MYLK: variants seen among roughly 807,000 people sequenced by gnomAD.
MYLK encodes the protein myosin light chain kinase, smooth muscle.
In MYLK, 106 loss-of-function variants were observed where a neutral mutation model predicts 203.4. The ratio of observed to expected loss-of-function variants is 0.52; its 90% confidence interval spans 0.45 to 0.61. The LOEUF is 0.61. MYLK is among the 20% of genes least tolerant of loss of function. The pLI is 0.00. For synonymous variants in MYLK, 867 were observed against 959.5 expected, an observed-to-expected ratio of 0.90 and a Z score of 1.78; for missense variants, 2,072 against 2,442.3, an observed-to-expected ratio of 0.85 and a Z score of 3.20.
At chr3:123,812,202 T>C (rs557934407) in intron 3 of MYLK, among the ~76,000 whole-genome samples, 1 of 152,194 alleles carries the variant, frequency 6.6e-6, no homozygotes, top group Non-Finnish European at 1.5e-5. Flanking sequence ...ATCACCTTAA[T>C]GGCTTCATCC....
At chr3:123,708,050 G>A in intron 15 of MYLK, 47 bp from the exon 16 acceptor site, 1 of 1,611,346 alleles carries the variant, frequency 6.2e-7, no homozygotes, top group Admixed American at 1.7e-5. Flanking sequence ...TCCCTCAGCA[G>A]GCAGTGTCCA....
intron 4 of MYLK, among the ~76,000 whole-genome samples, chr3:123,789,387 A>G (rs2064680842): frequency 6.6e-6 from 1 of 152,136 alleles, no homozygotes; most frequent in South Asian, 2.1e-4. Flanking sequence ...CACAGGTGTT[A>G]GAAGTGTGCT....
At chr3:123,823,621 G>A (rs1378707768) in intron 3 of MYLK, among the ~76,000 whole-genome samples, 1 of 152,156 alleles carries the variant, frequency 6.6e-6, no homozygotes, top group Non-Finnish European at 1.5e-5. Context: ...AGTCTCCTAT[G>A]TGCCTCCCTA....
At chr3:123,724,456 G>A (rs868830463) in intron 12 of MYLK, among the ~76,000 whole-genome samples, 4 of 152,132 alleles carry the variant, frequency 2.6e-5, no homozygotes, top group Non-Finnish European at 5.9e-5. Context: ...GCCACAAGGA[G>A]GCTGCCTCCT....
At chr3:123,820,662 CCCT>C (rs1291690093) in intron 3 of MYLK, among the ~76,000 whole-genome samples, 12 of 150,624 alleles carry the variant, frequency 8.0e-5, no homozygotes, top group African/African-American at 2.9e-4. Flanking sequence ...TTCCTTCCTT[CCCT>C]CCTTCCTTCC....
chr3:123,849,223 C>A (rs2030438460), intron 2 of MYLK, among the ~76,000 whole-genome samples: 1 of 152,148 alleles, frequency 6.6e-6, no homozygotes, highest in Non-Finnish European at 1.5e-5. Context: ...TGATCCACAC[C>A]TTGGCCTCCT....
intron 1 of MYLK, among the ~76,000 whole-genome samples, chr3:123,877,310 C>G (rs1685890903): frequency 6.6e-6 from 1 of 152,072 alleles, no homozygotes; most frequent in Non-Finnish European, 1.5e-5. Flanking sequence ...CAGGGAGCCA[C>G]CGGGGGTTCC....
rs780888701 is a variant in MYLK, at chr3:123,732,899, C to T, written c.1513G>A (p.Glu505Lys). Residue 505 changes from glutamate (E) to lysine (K), a missense_variant, in exon 11 of 34, where the codon GAA (glutamate) becomes AAA (lysine). By Grantham distance (56) the Glu-to-Lys change is moderately conservative (BLOSUM62 1). This residue lies in a region of MYLK where 683 missense variants were observed against 643.8 expected (regional missense o/e 1.06). Transcript: ENST00000360304. ...TGACCTGGAGAAGTGTACTCACTTT[C>T]CACTTGGAGGGTCCAGCTACAGGAC... ...QLSCSWTLQV[E>K]RLAVMEVAPS... The T allele has an allele frequency of 8.1e-6, 13 of 1,613,628 alleles. No individual in the cohort carries two copies. Among genetic ancestry groups the T allele is most frequent in the Non-Finnish European group, 1.1e-5 (13 of 1,179,672 alleles).
chr3:123,841,336 TG>T (rs927480305), intron 2 of MYLK, among the ~76,000 whole-genome samples: 1 of 152,164 alleles, frequency 6.6e-6, no homozygotes, highest in Non-Finnish European at 1.5e-5. Context: ...ATTAAGAGCT[TG>T]GTAAGGAAAT....
At chr3:123,766,655 T>C (rs1049799213) in intron 4 of MYLK, among the ~76,000 whole-genome samples, 1 of 152,214 alleles carries the variant, frequency 6.6e-6, no homozygotes, top group Admixed American at 6.5e-5. Context: ...AGACCCCAGG[T>C]TGTGAGCCGA....
rs1371094964 is a variant in MYLK, at chr3:123,676,014, C to T, written c.3652+6210G>A. Among the ~76,000 whole-genome samples the T allele has an allele frequency of 7.9e-5, 12 of 152,284 alleles. No homozygotes were observed. The East Asian group carries it at 1.9e-3, about 24-fold the overall frequency. ...AGGAGATTGCAAAGAAACACTGCTC[C>T]TCTGATTACATCCATTCCCAAACCC... On this transcript the variant is annotated intron_variant, in intron 20 of 33. Transcript: ENST00000360304.
chr3:123,698,486 C>T (rs2061027179), intron 18 of MYLK, among the ~76,000 whole-genome samples: 1 of 152,108 alleles, frequency 6.6e-6, no homozygotes, highest in African/African-American at 2.4e-5. Flanking sequence ...CAAGGACTTT[C>T]CAAGTGGGAG....
At chr3:123,691,608 A>G (rs545853632) in intron 19 of MYLK, 2 of 152,372 alleles carry the variant, frequency 1.3e-5, no homozygotes, top group African/African-American at 4.8e-5. Context: ...AACCAATTGT[A>G]AAGTCCAGAA....
At chr3:123,630,479 A>G (rs1170299753) in intron 29 of MYLK, 1 of 152,258 alleles carries the variant, frequency 6.6e-6, no homozygotes, top group Non-Finnish European at 1.5e-5. Context: ...AGTAATTCTT[A>G]TAACTTTGTT....
At chr3:123,747,403 G>A (rs951832334) in intron 5 of MYLK, among the ~76,000 whole-genome samples, 1 of 152,182 alleles carries the variant, frequency 6.6e-6, no homozygotes, top group South Asian at 2.1e-4. Flanking sequence ...GGGTGGCTGG[G>A]GGTAGGGAGG....
Position 123,709,762 on chromosome 3 carries a change from C to G in MYLK, c.1936G>C (p.Val646Leu). 6.2e-7 allele frequency: 1 copy of G among 1,613,932 alleles called. No individual in the cohort carries two copies. ...DGSQVTMTVQVSGNPPPEVIW... is the reference protein window; with the variant it reads ...DGSQVTMTVQLSGNPPPEVIW... The stretch of plus-strand genomic sequence containing the variant: ...GAGAGCTGCAGAGACAGACCTGACA[C>G]TTGGACAGTCATAGTGACCTGGCTT... Residue 646 changes from valine (V) to leucine (L), a missense_variant, in exon 14 of 34, where the codon GTG becomes CTG. Around this residue, in one of 3 missense-constraint regions of MYLK, gnomAD observed 865 missense variants for 1,016.0 expected, o/e 0.85. Coordinates refer to ENST00000360304, the MANE Select transcript of MYLK (RefSeq NM_053025.4).
At chr3:123,658,515 CT>C (rs1435688330) in intron 23 of MYLK, among the ~76,000 whole-genome samples, 1 of 152,138 alleles carries the variant, frequency 6.6e-6, no homozygotes, top group East Asian at 1.9e-4. Flanking sequence ...TTCATTAACC[CT>C]TCATCTCCCC....
chr3:123,852,291 A>G (rs549850402), intron 2 of MYLK, among the ~76,000 whole-genome samples: 2 of 151,832 alleles, frequency 1.3e-5, no homozygotes, highest in Non-Finnish European at 2.9e-5. Context: ...CTCTTTTTCT[A>G]TTGATTGGAA....
rs776729239 is a variant in MYLK at position 123,618,781 on chromosome 3, GAGA to G, written c.5369-14_5369-12del. The G allele has an allele frequency of 2.8e-5, 45 of 1,613,846 alleles. No homozygotes were observed. The highest frequency in any genetic ancestry group is 2.7e-4 in the African/African-American group (20 of 74,920). On this transcript the variant is annotated splice_polypyrimidine_tract_variant and intron_variant, in intron 32 of 33. Transcript: ENST00000360304. ...CTTGGGACACATCTTCTAGAAGACA[GAGA>G]AGAAGACCAGGTCATTTCTTCACTC...
Sources: gnomAD v4.1 joint callset for allele counts (sites outside exome capture counted in the v4.1 genomes callset) on GRCh38, gnomAD v4.1.1 for gene constraint, gnomAD v4.1.1 regional missense constraint, MANE v1.5 for transcripts, NCBI Gene and HGNC (gene_info 2026-07-23, HGNC 2026-07-21) for gene names.